The following CREB3L2 variants were observed in gnomAD, a reference collection of about 807,000 sequenced individuals.
The protein encoded by CREB3L2 is cyclic AMP-responsive element-binding protein 3-like protein 2.
CREB3L2 carries 23 observed loss-of-function variants against 57.2 expected under a neutral mutation model. The observed-to-expected ratio is 0.40, with a 90% CI of 0.29 to 0.57. The LOEUF (loss-of-function observed/expected upper bound fraction) is 0.57, where lower values mean the gene tolerates loss of function less well. Ranked by LOEUF, CREB3L2 falls within the 20% of genes least tolerant of loss-of-function variation. The pLI is 0.42. For missense variants in CREB3L2, 628 were observed against 634.7 expected (o/e 0.99, Z 0.11); for synonymous variants, 268 against 265.1 (o/e 1.01, Z -0.11).
At chr7:137,972,951 T>C (rs1261957414) in intron 1 of CREB3L2, among the ~76,000 whole-genome samples, 2 of 150,996 alleles carry the variant, frequency 1.3e-5, no homozygotes, top group Non-Finnish European at 2.9e-5. Flanking sequence ...CAAAGTCCTC[T>C]TGTTTGGGGG....
chr7:137,903,220 C>G (rs927298937), intron 7 of CREB3L2, among the ~76,000 whole-genome samples: 1 of 152,136 alleles, frequency 6.6e-6, no homozygotes, highest in Non-Finnish European at 1.5e-5. Context: ...ATTACCAGTA[C>G]TTAAGTCAGG....
chr7:137,997,477 T>G (rs972340018), intron 1 of CREB3L2, among the ~76,000 whole-genome samples: 2 of 152,238 alleles, frequency 1.3e-5, no homozygotes, highest in East Asian at 3.9e-4. Flanking sequence ...TCCCAGCACT[T>G]TGGGAGGCCA....
chr7:137,993,261 A>G (rs1475745850), intron 1 of CREB3L2, among the ~76,000 whole-genome samples: 1 of 152,194 alleles, frequency 6.6e-6, no homozygotes, highest in Non-Finnish European at 1.5e-5. Flanking sequence ...AAATAGGTGA[A>G]GTAATGTACC....
chr7:137,921,659 A>G lies in CREB3L2; in HGVS notation c.320-5647T>C, dbSNP rs184738053. 3.9e-5 allele frequency among the ~76,000 whole-genome samples: 6 copies of G among 152,354 alleles called. No homozygotes were observed. The East Asian group carries it at 9.6e-4, about 24-fold the overall frequency. On this transcript the variant is annotated intron_variant, in intron 2 of 11. Transcript: ENST00000330387. The stretch of plus-strand genomic sequence containing the variant: ...AATTGGGAGTTGGCATTATCTTGAT[A>G]TATTATGAAAGGAAAATAAAAATTC...
intron 1 of CREB3L2, among the ~76,000 whole-genome samples, chr7:137,930,585 G>A (rs1800595486): frequency 6.6e-6 from 1 of 152,224 alleles, no homozygotes; most frequent in African/African-American, 2.4e-5. Flanking sequence ...CAGAGAGGAA[G>A]CTTCTGCAGG....
In CREB3L2 at chr7:137,898,991, G is replaced by A. The variant is rs532811228; in HGVS notation, c.1043+2363C>T. ...AGGAAGGAAGGAAGGAAGGAAGGAGGGAGAAAGGAAGGAGAAGGGGAAAGG... is the reference window on the plus strand; with the variant it reads ...AGGAAGGAAGGAAGGAAGGAAGGAGAGAGAAAGGAAGGAGAAGGGGAAAGG... On this transcript the variant is annotated intron_variant, in intron 8 of 11. Transcript: ENST00000330387. 1.5e-3 allele frequency among the ~76,000 whole-genome samples: 213 copies of A among 139,140 alleles called. 1 individual carries two copies. Among genetic ancestry groups the A allele is most frequent in the Non-Finnish European group, 2.8e-3 (187 of 65,936 alleles). 91.3% of individuals were successfully genotyped at this position (139,140 alleles called of 152,430 possible).
chr7:137,885,413 G>GT lies in CREB3L2; in HGVS notation c.1132dup (p.Thr378AsnfsTer78), dbSNP rs1799395625. On this transcript the variant is annotated frameshift_variant, in exon 9 of 12. Coordinates refer to ENST00000330387, the MANE Select transcript of CREB3L2 (RefSeq NM_194071.4). LOFTEE classifies it high-confidence loss of function. ...TGCTGGGAAGCTCACCATGAGGCAGGTGCCAGTCTGCGTGCCAGCTAACTT... is the reference window on the plus strand; with the variant it reads ...TGCTGGGAAGCTCACCATGAGGCAGGTTGCCAGTCTGCGTGCCAGCTAACTT... The GT allele has an allele frequency of 8.7e-6, 14 of 1,613,900 alleles. No individual in the cohort carries two copies. The highest frequency in any genetic ancestry group is 1.2e-5 in the Non-Finnish European group (14 of 1,179,792).
At chr7:137,909,983 G>A (rs528058181) in intron 4 of CREB3L2, among the ~76,000 whole-genome samples, 9 of 152,068 alleles carry the variant, frequency 5.9e-5, no homozygotes, top group East Asian at 3.9e-4. Context: ...TGTGCCTTTC[G>A]CTTTCCACCA....
At position 137,877,154 on chromosome 7, in the gene CREB3L2, C is replaced by G. The variant is rs1296744333; in HGVS notation, c.*3322G>C. 4.4e-6 allele frequency: 1 copy of G among 227,560 alleles called. No homozygotes were observed. Among genetic ancestry groups the G allele is most frequent in the Non-Finnish European group, 8.7e-6 (1 of 114,758 alleles). The allele number at this position is 227,560 out of a possible 1,614,324, so 14.1% of individuals were successfully genotyped here. A position where few individuals can be genotyped will look rare whatever the true frequency, so the allele number is the denominator to read the frequency against. On this transcript the variant is annotated 3_prime_UTR_variant, in exon 12 of 12. Transcript: ENST00000330387. The stretch of plus-strand genomic sequence containing the variant: ...CCCAACTTTACGGGCACGTAAGATT[C>G]ACAAGCTGAACCAAGAGATTTAGGA...
intron 1 of CREB3L2, among the ~76,000 whole-genome samples, chr7:137,943,735 T>G (rs1329896940): frequency 6.6e-6 from 1 of 152,194 alleles, no homozygotes; most frequent in Non-Finnish European, 1.5e-5. Context: ...CAGGCCATGT[T>G]GATATTGTCG....
At chr7:137,890,518 T>C (rs1464708759) in intron 8 of CREB3L2, among the ~76,000 whole-genome samples, 2 of 152,192 alleles carry the variant, frequency 1.3e-5, no homozygotes, top group Non-Finnish European at 2.9e-5. Context: ...GTGCCTTTAA[T>C]CAAGTTAAGT....
chr7:137,909,926 C>A (rs930528784), intron 4 of CREB3L2, among the ~76,000 whole-genome samples: 13 of 152,090 alleles, frequency 8.5e-5, no homozygotes, highest in Admixed American at 4.6e-4. Context: ...TGATGAAACC[C>A]CTTTTGCTTG....
intron 1 of CREB3L2, among the ~76,000 whole-genome samples, chr7:137,998,534 G>A (rs1193214687): frequency 1.3e-5 from 2 of 152,220 alleles, no homozygotes; most frequent in African/African-American, 4.8e-5. Context: ...TGATAGGCAA[G>A]TACTTGCAGG....
intron 1 of CREB3L2, among the ~76,000 whole-genome samples, chr7:137,994,595 T>C (rs1355540602): frequency 1.3e-5 from 2 of 152,214 alleles, no homozygotes; most frequent in Non-Finnish European, 2.9e-5. Flanking sequence ...AGAGGCTATT[T>C]CTACATCTAT....
At chr7:137,970,996 G>A (rs903987287) in intron 1 of CREB3L2, among the ~76,000 whole-genome samples, 1 of 152,182 alleles carries the variant, frequency 6.6e-6, no homozygotes, top group Non-Finnish European at 1.5e-5. Context: ...TTTTTAAAAA[G>A]CTTGGAGAAT....
In CREB3L2 at chr7:137,903,353, A is replaced by G. The variant is rs1799805005; in HGVS notation, c.974+606T>C. 2.6e-5 allele frequency among the ~76,000 whole-genome samples: 4 copies of G among 152,230 alleles called. No homozygotes were observed. In the South Asian group the frequency reaches 8.3e-4, roughly 31 times the overall value. On this transcript the variant is annotated intron_variant, in intron 7 of 11. Transcript: ENST00000330387. ...CTGGGGCCTCATGCCCATCTTAAAA[A>G]TATCTTGGTTTGTTAGCTAAAGAAC... is the stretch of plus-strand genomic sequence containing the variant.
chr7:137,982,110 A>G (rs11976647), intron 1 of CREB3L2, among the ~76,000 whole-genome samples: 1,965 of 152,296 alleles, frequency 0.013, 54 homozygotes, highest in African/African-American at 0.045. Flanking sequence ...CTTTAGAGGT[A>G]CAGTCTCTGG....
intron 2 of CREB3L2, among the ~76,000 whole-genome samples, chr7:137,926,402 T>C (rs868096676): frequency 5.6e-4 from 85 of 152,148 alleles, no homozygotes; most frequent in African/African-American, 2.0e-3. Flanking sequence ...TATACAGCCA[T>C]AAAAAAGAAT....
At chr7:137,927,209 G>A (rs1430477014) in intron 2 of CREB3L2, among the ~76,000 whole-genome samples, 1 of 143,284 alleles carries the variant, frequency 7.0e-6, no homozygotes, top group Non-Finnish European at 1.5e-5. Flanking sequence ...AGGGAGGAAG[G>A]AAAGAAAATA....
Sources: allele counts gnomAD v4.1 joint callset (sites outside exome capture counted in the v4.1 genomes callset), GRCh38; gene constraint gnomAD v4.1.1; transcripts MANE v1.5; gene names NCBI Gene and HGNC (gene_info 2026-07-23, HGNC 2026-07-21).